Variants in TBC1D14 observed in about 807,000 individuals in gnomAD.
The protein encoded by TBC1D14 is TBC1 domain family member 14, also known as TBC1 domain family, member 14.
In TBC1D14, 26 loss-of-function variants were observed where a neutral mutation model predicts 79.0. The observed-to-expected ratio is 0.33, with a 90% CI of 0.24 to 0.46. The LOEUF is 0.46. TBC1D14 is among the 20% of genes least tolerant of loss of function. The probability of loss-of-function intolerance (pLI) is 1.00; values close to 1 mark genes in which losing one functional copy is unlikely to be tolerated. For synonymous variants in TBC1D14, 394 were observed against 349.9 expected (o/e 1.13, Z -1.40); for missense variants, 769 against 887.6 (o/e 0.87, Z 1.70).
intron 2 of TBC1D14, among the ~76,000 whole-genome samples, chr4:6,960,468 G>A (rs1354400957): frequency 6.6e-6 from 1 of 152,080 alleles, no homozygotes; most frequent in Non-Finnish European, 1.5e-5. Context: ...CTTCCAGAGA[G>A]TCTGTGGCTG....
In TBC1D14 at chr4:6,950,640, CTG is replaced by C. The variant is rs749956410; in HGVS notation, c.723-16662_723-16661del. 9.9e-4 allele frequency among the ~76,000 whole-genome samples: 150 copies of C among 152,258 alleles called. 1 individual carries two copies. The highest frequency in any genetic ancestry group is 1.0e-3 in the Non-Finnish European group (70 of 68,014). On this transcript the variant is annotated intron_variant, in intron 2 of 13. Coordinates refer to ENST00000409757, the MANE Select transcript of TBC1D14 (RefSeq NM_020773.3). ...TAAAGGTGTTTTAAAAAAATTATGA[CTG>C]TTGTATTTTATTAAATGCTTTTTTC...
chr4:6,986,346 T>G (rs1717821408), intron 3 of TBC1D14, among the ~76,000 whole-genome samples: 1 of 152,258 alleles, frequency 6.6e-6, no homozygotes, highest in Non-Finnish European at 1.5e-5. Context: ...TTGGGTGGGT[T>G]CCAGGGAGTA....
At chr4:6,949,652 C>T (rs1049276129) in intron 2 of TBC1D14, among the ~76,000 whole-genome samples, 2 of 143,620 alleles carry the variant, frequency 1.4e-5, no homozygotes, top group African/African-American at 5.2e-5. Context: ...CACTGCACTC[C>T]GACCTGGGCG....
In TBC1D14 at chr4:6,933,300, T is replaced by C. The variant is rs546605439; in HGVS notation, c.722+9189T>C. Reference sequence around the variant, plus strand: ...TCCCCCTTCCCCTTCCCCTTCCCCTTCCCCTTCCCCTTCCCTTTTCTAGAG... The same window carrying C: ...TCCCCCTTCCCCTTCCCCTTCCCCTCCCCCTTCCCCTTCCCTTTTCTAGAG... On this transcript the variant is annotated intron_variant, in intron 2 of 13. Coordinates refer to ENST00000409757, the MANE Select transcript of TBC1D14 (RefSeq NM_020773.3). Among the ~76,000 whole-genome samples the C allele has an allele frequency of 9.3e-4, 12 of 12,946 alleles. 3 individuals are homozygous for C. The East Asian group carries it at 0.031, about 34-fold the overall frequency. 8.5% of individuals were successfully genotyped at this position (12,946 alleles called of 152,430 possible). A position where few individuals can be genotyped will look rare whatever the true frequency, so the allele number is the denominator to read the frequency against.
rs891573661 is a variant in TBC1D14, at chr4:6,969,792, C to T, written c.843+2368C>T. Reference sequence around the variant, plus strand: ...TTTCTGTGAACTGAAATGACTAGGCCAGTTCATTATGCGGTAACACAATAT... The same window carrying T: ...TTTCTGTGAACTGAAATGACTAGGCTAGTTCATTATGCGGTAACACAATAT... On this transcript the variant is annotated intron_variant, in intron 3 of 13. Transcript: ENST00000409757. Among the ~76,000 whole-genome samples, 92 of 152,092 alleles carry T rather than the reference C, an allele frequency of 6.0e-4. 1 individual carries two copies. Among genetic ancestry groups the T allele is most frequent in the African/African-American group, 2.0e-3 (84 of 41,482 alleles).
chr4:6,980,544 A>G (rs1456265917), intron 3 of TBC1D14, among the ~76,000 whole-genome samples: 6 of 152,224 alleles, frequency 3.9e-5, no homozygotes, highest in Admixed American at 3.9e-4. Flanking sequence ...AGATATCCGT[A>G]CAATTAAAAA....
At chr4:6,935,940 G>A (rs971082191) in intron 2 of TBC1D14, among the ~76,000 whole-genome samples, 2 of 152,126 alleles carry the variant, frequency 1.3e-5, no homozygotes, top group Non-Finnish European at 2.9e-5. Flanking sequence ...CACCGTGCCC[G>A]GCCTGAATAT....
chr4:6,998,900 T>C, intron 5 of TBC1D14, 185 bp from the exon 6 acceptor site: 1 of 585,766 alleles, frequency 1.7e-6, no homozygotes, highest in Non-Finnish European at 3.1e-6. Context: ...GCAAGCTTAC[T>C]AAAGGGTGGA....
intron 12 of TBC1D14, among the ~76,000 whole-genome samples, chr4:7,014,901 G>A (rs1332247813): frequency 6.6e-6 from 1 of 152,244 alleles, no homozygotes; most frequent in Non-Finnish European, 1.5e-5. Context: ...CTCCTGGCTT[G>A]TGGGAGACAC....
At chr4:6,985,856 T>C (rs1461210295) in intron 3 of TBC1D14, among the ~76,000 whole-genome samples, 1 of 152,262 alleles carries the variant, frequency 6.6e-6, no homozygotes, top group Non-Finnish European at 1.5e-5. Context: ...AATCAGCCTC[T>C]TTCCCTTTTA....
chr4:6,961,043 G>C (rs1715146504), intron 2 of TBC1D14, among the ~76,000 whole-genome samples: 1 of 152,158 alleles, frequency 6.6e-6, no homozygotes, highest in South Asian at 2.1e-4. Flanking sequence ...CACTGGACCT[G>C]GGAGCTCTGC....
At chr4:6,980,454 A>C (rs1034922196) in intron 3 of TBC1D14, among the ~76,000 whole-genome samples, 1 of 152,224 alleles carries the variant, frequency 6.6e-6, no homozygotes, top group South Asian at 2.1e-4. Context: ...TCAGTAATCA[A>C]AGTTTCTACC....
At chr4:6,943,904 G>C (rs1219140357) in intron 2 of TBC1D14, among the ~76,000 whole-genome samples, 1 of 152,196 alleles carries the variant, frequency 6.6e-6, no homozygotes, top group Admixed American at 6.5e-5. Flanking sequence ...TTCTATGATT[G>C]TTCTGGGTCT....
At chr4:7,013,687 G>A (rs1308283668) in intron 11 of TBC1D14, among the ~76,000 whole-genome samples, 1 of 151,844 alleles carries the variant, frequency 6.6e-6, no homozygotes, top group Non-Finnish European at 1.5e-5. Context: ...GACATGAGTC[G>A]TGTAGCCCCC....
chr4:7,029,867 C>T (rs894941194), intron 13 of TBC1D14, among the ~76,000 whole-genome samples: 2 of 152,184 alleles, frequency 1.3e-5, no homozygotes, highest in African/African-American at 4.8e-5. Context: ...ACTGTGAGAA[C>T]AGAGGAGGGA....
intron 10 of TBC1D14, 25 bp downstream of exon 10, chr4:7,009,973 AT>A (rs754208951): frequency 1.2e-6 from 2 of 1,612,762 alleles, no homozygotes; most frequent in Non-Finnish European, 1.7e-6. Flanking sequence ...TCAGTATTTT[AT>A]AATGTTGTTA....
intron 2 of TBC1D14, among the ~76,000 whole-genome samples, chr4:6,952,167 G>A (rs1303241307): frequency 3.3e-5 from 5 of 152,190 alleles, no homozygotes; most frequent in Non-Finnish European, 5.9e-5. Flanking sequence ...GCATGCGGCC[G>A]TTCAGAACAG....
chr4:7,006,150 CAAAG>C (rs149281313), intron 8 of TBC1D14, among the ~76,000 whole-genome samples: 7,031 of 152,012 alleles, frequency 0.046, 181 homozygotes, highest in South Asian at 0.07. Flanking sequence ...GCCTGAGCAA[CAAAG>C]AAAGACCCTG....
At chr4:6,965,893 A>G (rs1460613214) in intron 2 of TBC1D14, among the ~76,000 whole-genome samples, 1 of 152,160 alleles carries the variant, frequency 6.6e-6, no homozygotes, top group Non-Finnish European at 1.5e-5. Context: ...ATTTTGCTTC[A>G]TGTAATTAAT....
Sources: allele counts gnomAD v4.1 joint callset (sites outside exome capture counted in the v4.1 genomes callset), GRCh38; gene constraint gnomAD v4.1.1; transcripts MANE v1.5; gene names NCBI Gene and HGNC (gene_info 2026-07-23, HGNC 2026-07-21).